ZFYVE9: variants seen among roughly 807,000 people sequenced by gnomAD.
ZFYVE9 encodes the protein zinc finger FYVE domain-containing protein 9.
ZFYVE9 carries 43 observed loss-of-function variants against 126.7 expected under a neutral mutation model. The ratio of observed to expected loss-of-function variants is 0.34; its 90% CI spans 0.27 to 0.44. ZFYVE9 has a LOEUF of 0.44. ZFYVE9 is among the 20% of genes least tolerant of loss of function. The pLI, the probability that ZFYVE9 is intolerant of heterozygous loss-of-function variation, is 1.00. For missense variants in ZFYVE9, 1,476 were observed against 1,697.0 expected, an observed-to-expected ratio of 0.87 and a Z score of 2.29; for synonymous variants, 521 against 597.4, an observed-to-expected ratio of 0.87 and a Z score of 1.87.
chr1:52,298,419 T>C (rs1645998741), intron 12 of ZFYVE9, among the ~76,000 whole-genome samples: 1 of 152,220 alleles, frequency 6.6e-6, no homozygotes, highest in Non-Finnish European at 1.5e-5. Context: ...TTCTGCAGTG[T>C]GTGTTCTTGG....
intron 4 of ZFYVE9, among the ~76,000 whole-genome samples, chr1:52,257,395 G>A (rs1250052028): frequency 2.0e-5 from 3 of 152,060 alleles, no homozygotes; most frequent in African/African-American, 7.2e-5. Context: ...AGTTGAAATA[G>A]GAACACAGAA....
chr1:52,185,935 G>A (rs1203662890), intron 1 of ZFYVE9, among the ~76,000 whole-genome samples: 3 of 120,710 alleles, frequency 2.5e-5, no homozygotes, highest in African/African-American at 1.0e-4. Flanking sequence ...AAAAAAAAAA[G>A]CTTTTGATAA....
At chr1:52,320,778 G>A (rs1646231554) in intron 13 of ZFYVE9, among the ~76,000 whole-genome samples, 1 of 152,170 alleles carries the variant, frequency 6.6e-6, no homozygotes, top group Non-Finnish European at 1.5e-5. Flanking sequence ...GGGGGTGATT[G>A]CAAGTGCCTT....
intron 2 of ZFYVE9, among the ~76,000 whole-genome samples, chr1:52,222,433 G>A (rs1029848392): frequency 2.0e-5 from 3 of 152,186 alleles, no homozygotes; most frequent in Non-Finnish European, 4.4e-5. Context: ...TGAACCATTG[G>A]TGGTTGTATG....
intron 1 of ZFYVE9, among the ~76,000 whole-genome samples, chr1:52,146,952 T>C (rs1644311463): frequency 6.6e-6 from 1 of 152,182 alleles, no homozygotes; most frequent in African/African-American, 2.4e-5. Context: ...GTCCAAAACT[T>C]TTTGAGCACT....
intron 6 of ZFYVE9, among the ~76,000 whole-genome samples, chr1:52,267,354 A>G (rs2147801504): frequency 6.6e-6 from 1 of 152,350 alleles, no homozygotes; most frequent in Middle Eastern, 3.4e-3. Flanking sequence ...AATTCTGATT[A>G]TATCATATGA....
intron 7 of ZFYVE9, among the ~76,000 whole-genome samples, chr1:52,272,673 C>CTTTTTTTTTTTTTTTTT (rs58857376): frequency 1.6e-4 from 20 of 121,260 alleles, no homozygotes; most frequent in South Asian, 1.1e-3. Context: ...TAGAAATAAT[C>CTTTTTTTTTTTTTTTTT]TTTTTTTTTT....
chr1:52,220,491 G>A (rs1433990648), intron 2 of ZFYVE9, among the ~76,000 whole-genome samples: 1 of 152,200 alleles, frequency 6.6e-6, no homozygotes, highest in Non-Finnish European at 1.5e-5. Context: ...TAATCAACTT[G>A]GATGCTTTGG....
chr1:52,286,956 C>A (rs1371285447), intron 10 of ZFYVE9, among the ~76,000 whole-genome samples: 1 of 152,128 alleles, frequency 6.6e-6, no homozygotes, highest in Non-Finnish European at 1.5e-5. Context: ...TGCTATTTCC[C>A]CACACCCCAA....
chr1:52,238,164 CG>C lies in ZFYVE9; in HGVS notation c.749del (p.Gly250GlufsTer3). The C allele has an allele frequency of 6.2e-7, 1 of 1,614,016 alleles. No homozygotes were observed. The highest frequency in any genetic ancestry group is 8.5e-7 in the Non-Finnish European group (1 of 1,179,956). ...GTTCCCCTTCACAATTAAAGGATGA[CG>C]GAAGTATAGGTAGAGACCCCTCCAT... ...VCSPSQLKDD[G>X]SIGRDPSMSA... On this transcript the variant is annotated frameshift_variant, in exon 4 of 19. Coordinates refer to ENST00000287727, the MANE Select transcript of ZFYVE9 (RefSeq NM_004799.4). LOFTEE classifies it high-confidence loss of function.
chr1:52,159,039 G>C (rs1027279025), intron 1 of ZFYVE9, among the ~76,000 whole-genome samples: 1 of 152,096 alleles, frequency 6.6e-6, no homozygotes, highest in Non-Finnish European at 1.5e-5. Context: ...TGATCCGCCC[G>C]CCTCGGCCTC....
intron 4 of ZFYVE9, among the ~76,000 whole-genome samples, chr1:52,251,056 GT>G: frequency 7.4e-6 from 1 of 136,028 alleles, no homozygotes; most frequent in African/African-American, 2.8e-5. Context: ...TGTTGTTGTT[GT>G]TGTTGTTTGT....
chr1:52,329,641 C>A (rs958760044), intron 13 of ZFYVE9, among the ~76,000 whole-genome samples: 1 of 152,194 alleles, frequency 6.6e-6, no homozygotes, highest in Non-Finnish European at 1.5e-5. Flanking sequence ...CGCGGTGGCA[C>A]ATGCCTATAA....
intron 4 of ZFYVE9, among the ~76,000 whole-genome samples, chr1:52,263,100 AAAG>A (rs1436743862): frequency 1.3e-5 from 2 of 151,682 alleles, no homozygotes; most frequent in Admixed American, 1.3e-4. Flanking sequence ...AAAAAAAAGA[AAAG>A]AAATCTTAAC....
At chr1:52,190,891 C>T (rs1644810298) in intron 1 of ZFYVE9, among the ~76,000 whole-genome samples, 4 of 152,148 alleles carry the variant, frequency 2.6e-5, no homozygotes, top group Admixed American at 2.6e-4. Context: ...TCTGGCTTGA[C>T]AGGAAGAAGC....
At chr1:52,312,997 T>C (rs539045650) in intron 13 of ZFYVE9, among the ~76,000 whole-genome samples, 221 of 152,048 alleles carry the variant, frequency 1.5e-3, no homozygotes, top group Non-Finnish European at 2.2e-3. Flanking sequence ...AGGGGAAATA[T>C]GGAAACAGAC....
intron 5 of ZFYVE9, among the ~76,000 whole-genome samples, chr1:52,265,359 G>A (rs1387930228): frequency 6.6e-6 from 1 of 152,124 alleles, no homozygotes; most frequent in Non-Finnish European, 1.5e-5. Context: ...CTTGCAGTTT[G>A]GAGGCAATAA....
At chr1:52,173,170 C>T (rs894418914) in intron 1 of ZFYVE9, among the ~76,000 whole-genome samples, 7 of 152,040 alleles carry the variant, frequency 4.6e-5, no homozygotes, top group Admixed American at 2.0e-4. Context: ...TTTTGAGATA[C>T]GTCCCATCAA....
intron 1 of ZFYVE9, among the ~76,000 whole-genome samples, chr1:52,209,138 G>C (rs187373640): frequency 3.3e-4 from 50 of 152,240 alleles, no homozygotes; most frequent in South Asian, 3.1e-3. Flanking sequence ...CAGTTCATAA[G>C]TGCTCTGATA....
Sources: allele counts gnomAD v4.1 joint callset (sites outside exome capture counted in the v4.1 genomes callset), GRCh38; gene constraint gnomAD v4.1.1; transcripts MANE v1.5; gene names NCBI Gene and HGNC (gene_info 2026-07-23, HGNC 2026-07-21).